ADAM12: variants seen among roughly 807,000 people sequenced by gnomAD.
ADAM12 encodes the protein ADAM metallopeptidase domain 12.
In ADAM12, 70 loss-of-function variants were observed where a neutral mutation model predicts 106.4. The observed-to-expected ratio is 0.66, with a 90% confidence interval of 0.54 to 0.80. The LOEUF (loss-of-function observed/expected upper bound fraction) is 0.80. Ranked by LOEUF, ADAM12 falls within the 30% of genes least tolerant of loss-of-function variation. The probability of loss-of-function intolerance (pLI) is 0.00; values close to 1 mark genes in which losing one functional copy is unlikely to be tolerated. For synonymous variants in ADAM12, 420 were observed against 433.5 expected (o/e 0.97, Z 0.39); for missense variants, 1,010 against 1,171.9 (o/e 0.86, Z 2.02).
At chr10:126,112,392 A>G (rs1014878227) in intron 6 of ADAM12, among the ~76,000 whole-genome samples, 4 of 152,068 alleles carry the variant, frequency 2.6e-5, no homozygotes, top group Non-Finnish European at 4.4e-5. Flanking sequence ...TTAAAAAAAG[A>G]AACTGGTTGC....
At chr10:126,137,689 T>A (rs1956431331) in intron 4 of ADAM12, among the ~76,000 whole-genome samples, 1 of 152,222 alleles carries the variant, frequency 6.6e-6, no homozygotes, top group East Asian at 1.9e-4. Flanking sequence ...GTTCTCAAGT[T>A]CATTCATACT....
chr10:126,156,407 C>A (rs1475785536), intron 3 of ADAM12, among the ~76,000 whole-genome samples: 2 of 152,198 alleles, frequency 1.3e-5, no homozygotes, highest in Admixed American at 6.5e-5. Context: ...TTTACCTCAT[C>A]CCCTTCATTT....
At chr10:126,179,810 G>A (rs1406816998) in intron 3 of ADAM12, among the ~76,000 whole-genome samples, 1 of 152,068 alleles carries the variant, frequency 6.6e-6, no homozygotes, top group Admixed American at 6.5e-5. Flanking sequence ...GTTCATGCAT[G>A]GCATGCAAGG....
At chr10:126,176,740 G>A (rs1351825847) in intron 3 of ADAM12, among the ~76,000 whole-genome samples, 2 of 152,076 alleles carry the variant, frequency 1.3e-5, no homozygotes, top group Non-Finnish European at 2.9e-5. Flanking sequence ...AATTCCTAAC[G>A]GCTCTGAACA....
chr10:126,369,914 C>A (rs1250812631), intron 1 of ADAM12, among the ~76,000 whole-genome samples: 1 of 152,204 alleles, frequency 6.6e-6, no homozygotes, highest in Non-Finnish European at 1.5e-5. Flanking sequence ...GCAATATTCA[C>A]AGACCATGAT....
At chr10:126,298,546 G>T (rs1385508400) in intron 2 of ADAM12, among the ~76,000 whole-genome samples, 1 of 152,114 alleles carries the variant, frequency 6.6e-6, no homozygotes, top group African/African-American at 2.4e-5. Context: ...ATGGGACATG[G>T]TGAAAGGTAT....
chr10:126,267,553 C>T (rs1027623253), intron 3 of ADAM12, among the ~76,000 whole-genome samples: 7 of 152,076 alleles, frequency 4.6e-5, no homozygotes, highest in Non-Finnish European at 8.8e-5. Context: ...CCCTCCCATG[C>T]ACAGTTCACA....
chr10:126,335,488 C>T (rs1052954451), intron 1 of ADAM12, among the ~76,000 whole-genome samples: 4 of 152,132 alleles, frequency 2.6e-5, no homozygotes, highest in South Asian at 2.1e-4. Context: ...CCTAAATATC[C>T]GAGACCTAAA....
intron 4 of ADAM12, among the ~76,000 whole-genome samples, chr10:126,151,917 A>G (rs1425227953): frequency 6.6e-6 from 1 of 151,346 alleles, no homozygotes; most frequent in Non-Finnish European, 1.5e-5. Context: ...TTACTTGGGA[A>G]TTCTTTCTTT....
At chr10:126,050,557 G>C (rs886632838) in intron 14 of ADAM12, among the ~76,000 whole-genome samples, 2 of 152,310 alleles carry the variant, frequency 1.3e-5, no homozygotes, top group Admixed American at 6.5e-5. Context: ...CTGATGGCCA[G>C]GATGCCGACA....
intron 22 of ADAM12, among the ~76,000 whole-genome samples, chr10:126,019,468 C>G (rs1395513492): frequency 2.6e-5 from 4 of 152,186 alleles, no homozygotes; most frequent in African/African-American, 9.7e-5. Context: ...TCTCTTAGGT[C>G]CACTGTGGCT....
At chr10:126,167,692 T>C (rs575515399) in intron 3 of ADAM12, among the ~76,000 whole-genome samples, 9 of 152,372 alleles carry the variant, frequency 5.9e-5, no homozygotes, top group African/African-American at 2.2e-4. Flanking sequence ...AAATAGTCTA[T>C]AGACTAGAAG....
chr10:126,388,065 C>T lies in ADAM12; in HGVS notation c.81G>A (p.Glu27=). 8.2e-7 allele frequency: 1 copy of T among 1,226,158 alleles called. No individual in the cohort carries two copies. The highest frequency in any genetic ancestry group is 1.0e-6 in the Non-Finnish European group (1 of 983,042). 76.0% of individuals were successfully genotyped at this position (1,226,158 alleles called of 1,614,324 possible). A position where few individuals can be genotyped will look rare whatever the true frequency, so the allele number is the denominator to read the frequency against. ...ALAGALLAPC[E]ARGVSLWNQG... ...CCTAGTTCGGCGACTTACCTCGGGCCTCGCAGGGCGCGAGCAGAGCACCGG... is the reference window on the plus strand; with the variant it reads ...CCTAGTTCGGCGACTTACCTCGGGCTTCGCAGGGCGCGAGCAGAGCACCGG... The change falls in exon 1 of 23, where the codon GAG becomes GAA. Residue 27 remains glutamate, a synonymous_variant. Transcript: ENST00000448723. This position sits in a 1 kb window ranked among gnomAD's most constrained non-coding sequence, Gnocchi z 4.4.
At chr10:126,252,845 A>G (rs1223953940) in intron 3 of ADAM12, among the ~76,000 whole-genome samples, 1 of 152,184 alleles carries the variant, frequency 6.6e-6, no homozygotes, top group East Asian at 1.9e-4. Flanking sequence ...GTGGTAGAAC[A>G]GGGACACTGA....
rs1169045471 is a variant in ADAM12 at position 126,038,237 on chromosome 10, T to A, written c.2349+4A>T. On this transcript the variant is annotated splice_donor_region_variant and intron_variant, in intron 20 of 22. Transcript: ENST00000448723. ...CTGAGCACTCACATCTACTCAAGAC[T>A]CACCTTCGGTGGGTAGGAATCTGGC... 6.2e-7 allele frequency: 1 copy of A among 1,604,738 alleles called. No individual in the cohort carries two copies. Among genetic ancestry groups the A allele is most frequent in the Admixed American group, 1.7e-5 (1 of 58,966 alleles).
intron 3 of ADAM12, among the ~76,000 whole-genome samples, chr10:126,254,254 T>C (rs1442278711): frequency 6.6e-6 from 1 of 152,192 alleles, no homozygotes; most frequent in East Asian, 1.9e-4. Context: ...GTGGGAGTCA[T>C]TTGATAGGGC....
At chr10:126,224,158 A>G (rs371384686) in intron 3 of ADAM12, among the ~76,000 whole-genome samples, 1 of 151,588 alleles carries the variant, frequency 6.6e-6, no homozygotes, top group African/African-American at 2.4e-5. Context: ...TATGGAGCTG[A>G]CTGCCCTCAG....
At chr10:126,271,958 A>T (rs1216235286) in intron 3 of ADAM12, among the ~76,000 whole-genome samples, 1 of 152,164 alleles carries the variant, frequency 6.6e-6, no homozygotes, top group Non-Finnish European at 1.5e-5. Flanking sequence ...GAGAAGCTGG[A>T]CATTTACTTC....
At chr10:126,252,917 A>G (rs891448391) in intron 3 of ADAM12, among the ~76,000 whole-genome samples, 1 of 152,186 alleles carries the variant, frequency 6.6e-6, no homozygotes, top group Non-Finnish European at 1.5e-5. Context: ...TGCTCCTTGT[A>G]GAAAGGGACA....
Sources: allele counts gnomAD v4.1 joint callset (sites outside exome capture counted in the v4.1 genomes callset), GRCh38; gene constraint gnomAD v4.1.1; non-coding constraint Gnocchi (gnomAD v3.1); transcripts MANE v1.5; gene names NCBI Gene and HGNC (gene_info 2026-07-23, HGNC 2026-07-21).